ANKRD17: variants seen among roughly 807,000 people sequenced by gnomAD.
ANKRD17 encodes the protein ankyrin repeat domain-containing protein 17.
In ANKRD17, 19 loss-of-function variants were observed where a neutral mutation model predicts 229.7. The observed-to-expected ratio is 0.08, with a 90% CI of 0.06 to 0.12. ANKRD17 has a LOEUF of 0.12. Among genes scored for constraint, ANKRD17 ranks in the 10% least tolerant of loss-of-function variants. ANKRD17 has a pLI of 1.00. For synonymous variants in ANKRD17, 1,112 were observed against 1,146.1 expected (o/e 0.97, Z 0.60); for missense variants, 2,176 against 3,176.8 (o/e 0.68, Z 7.57).
At chr4:73,127,571 C>T (rs1399217024) in intron 16 of ANKRD17, among the ~76,000 whole-genome samples, 1 of 151,874 alleles carries the variant, frequency 6.6e-6, no homozygotes, top group Non-Finnish European at 1.5e-5. Flanking sequence ...GTTTATCACC[C>T]ACAGAGACTA....
intron 1 of ANKRD17, among the ~76,000 whole-genome samples, chr4:73,228,564 T>C (rs990740609): frequency 6.6e-6 from 1 of 152,220 alleles, no homozygotes; most frequent in African/African-American, 2.4e-5. Flanking sequence ...AGAAATAACC[T>C]ACATATTTCA....
intron 1 of ANKRD17, among the ~76,000 whole-genome samples, chr4:73,227,141 C>G (rs185963641): frequency 3.0e-4 from 45 of 152,144 alleles, no homozygotes; most frequent in Non-Finnish European, 1.5e-5. Context: ...TAAAAACAAG[C>G]CACCTTCCAG....
At chr4:73,076,892 T>G (rs1385740021) in intron 33 of ANKRD17, 48 bp downstream of exon 33, 1 of 1,549,396 alleles carries the variant, frequency 6.5e-7, no homozygotes, top group South Asian at 1.3e-5. Flanking sequence ...TGTCTTTGCA[T>G]TTCTTAAACA....
chr4:73,176,057 G>A (rs549441810), intron 2 of ANKRD17, among the ~76,000 whole-genome samples: 32 of 150,086 alleles, frequency 2.1e-4, no homozygotes, highest in South Asian at 1.3e-3. Context: ...AAACTACCCA[G>A]CTGACAATGA....
intron 2 of ANKRD17, among the ~76,000 whole-genome samples, chr4:73,171,204 AGAG>A (rs1733979305): frequency 6.6e-6 from 1 of 151,356 alleles, no homozygotes; most frequent in Non-Finnish European, 1.5e-5. Context: ...AGAGAGAGAG[AGAG>A]AGAGAGAGAG....
intron 24 of ANKRD17, chr4:73,102,922 C>T (rs991657466): frequency 3.1e-5 from 5 of 163,688 alleles, no homozygotes; most frequent in African/African-American, 7.2e-5. Flanking sequence ...TGTACTGCTG[C>T]GGGCATGAAT....
intron 1 of ANKRD17, among the ~76,000 whole-genome samples, chr4:73,219,355 CA>C (rs34914964): frequency 6.6e-6 from 1 of 151,770 alleles, no homozygotes; most frequent in African/African-American, 2.4e-5. Context: ...ACGTATCTGT[CA>C]AAAAAAGTCT....
Position 73,125,140 on chromosome 4 carries a change from A to C in ANKRD17, c.3346+61T>G. 1.9e-6 allele frequency: 3 copies of C among 1,591,446 alleles called. No homozygotes were observed. The Admixed American group carries it at 5.5e-5, about 29-fold the overall frequency. On this transcript the variant is annotated intron_variant, in intron 17 of 33. Transcript: ENST00000358602. ...GACCTTCAAAATAGGACTAAAAAAT[A>C]ATGTTCCTAAATAAATTTTTTGACC...
intron 1 of ANKRD17, among the ~76,000 whole-genome samples, chr4:73,247,919 ATTCTT>A (rs1744645995): frequency 7.1e-6 from 1 of 140,998 alleles, no homozygotes; most frequent in Non-Finnish European, 1.5e-5. Flanking sequence ...TGATTTTTCT[ATTCTT>A]TAGATCTTTT....
At chr4:73,255,093 A>G (rs1027192881) in intron 1 of ANKRD17, among the ~76,000 whole-genome samples, 1 of 152,148 alleles carries the variant, frequency 6.6e-6, no homozygotes, top group African/African-American at 2.4e-5. Flanking sequence ...TCTTGGTCTT[A>G]TTTGTTTCCA....
At chr4:73,185,345 T>C (rs1025223439) in intron 1 of ANKRD17, among the ~76,000 whole-genome samples, 1 of 151,916 alleles carries the variant, frequency 6.6e-6, no homozygotes, top group African/African-American at 2.4e-5. Context: ...TATTTATCAC[T>C]GAATCTCAAA....
chr4:73,183,772 T>G (rs570894110), intron 1 of ANKRD17, among the ~76,000 whole-genome samples: 1 of 151,548 alleles, frequency 6.6e-6, no homozygotes, highest in African/African-American at 2.4e-5. Flanking sequence ...GTCTATAGAG[T>G]TTTTTTTTAT....
At chr4:73,090,393 G>C (rs1294420699) in intron 29 of ANKRD17, among the ~76,000 whole-genome samples, 1 of 152,152 alleles carries the variant, frequency 6.6e-6, no homozygotes, top group Non-Finnish European at 1.5e-5. Flanking sequence ...CTGGGTGACA[G>C]AGCGAGACTC....
At chr4:73,174,389 T>C (rs1040052605) in intron 2 of ANKRD17, among the ~76,000 whole-genome samples, 1 of 152,180 alleles carries the variant, frequency 6.6e-6, no homozygotes, top group African/African-American at 2.4e-5. Flanking sequence ...GCCATCCCTT[T>C]ATCATTAAAA....
intron 27 of ANKRD17, among the ~76,000 whole-genome samples, chr4:73,096,255 G>T (rs1156228400): frequency 1.3e-5 from 2 of 152,108 alleles, no homozygotes; most frequent in Non-Finnish European, 2.9e-5. Context: ...GTATAACACA[G>T]TATTAAATGC....
intron 2 of ANKRD17, among the ~76,000 whole-genome samples, chr4:73,175,058 A>C (rs1348700098): frequency 6.6e-6 from 1 of 152,220 alleles, no homozygotes; most frequent in East Asian, 1.9e-4. Flanking sequence ...TTATTTACAG[A>C]AGTAGAAAAA....
chr4:73,078,794 T>C lies in ANKRD17; in HGVS notation c.7256A>G (p.Gln2419Arg). 3 of 1,614,138 alleles carry C rather than the reference T, an allele frequency of 1.9e-6. No individual in the cohort carries two copies. The highest frequency in any genetic ancestry group is 2.5e-6 in the Non-Finnish European group (3 of 1,179,998). Residue 2419 changes from glutamine (Q) to arginine (R), a missense_variant, in exon 31 of 34, where the codon CAG becomes CGG. Around this residue, in one of 18 missense-constraint regions of ANKRD17, gnomAD observed 87 missense variants for 116.0 expected, o/e 0.75. Transcript: ENST00000358602. ...LGSEKPSNVSQDRKVPVPIGT... is the reference protein window; with the variant it reads ...LGSEKPSNVSRDRKVPVPIGT... ...AATAGGGACTGGAACTTTCCTGTCCTGAGACACATTGCTGGGCTTTTCTGA... is the reference window on the plus strand; with the variant it reads ...AATAGGGACTGGAACTTTCCTGTCCCGAGACACATTGCTGGGCTTTTCTGA...
At chr4:73,200,886 C>T (rs1204807454) in intron 1 of ANKRD17, among the ~76,000 whole-genome samples, 1 of 147,782 alleles carries the variant, frequency 6.8e-6, no homozygotes, top group East Asian at 2.0e-4. Flanking sequence ...CCTCAATCAC[C>T]ACTATGTTCA....
intron 24 of ANKRD17, 134 bp downstream of exon 24, chr4:73,113,658 G>A: frequency 1.3e-6 from 1 of 783,910 alleles, no homozygotes; most frequent in Admixed American, 2.4e-5. Flanking sequence ...CACGATTTGA[G>A]CCAAATGTAG....
Sources: allele counts gnomAD v4.1 joint callset (sites outside exome capture counted in the v4.1 genomes callset), GRCh38; gene constraint gnomAD v4.1.1; regional missense constraint gnomAD v4.1.1; transcripts MANE v1.5; gene names NCBI Gene and HGNC (gene_info 2026-07-23, HGNC 2026-07-21).